GABRG3: variants seen among roughly 807,000 people sequenced by gnomAD.
GABRG3 encodes the protein gamma-aminobutyric acid type A receptor subunit gamma3.
GABRG3 carries 25 observed loss-of-function variants against 48.8 expected under a neutral mutation model. That is an observed-to-expected ratio of 0.51 (90% CI 0.37 to 0.72). The LOEUF (loss-of-function observed/expected upper bound fraction) is 0.72. Ranked by LOEUF, GABRG3 falls within the 30% of genes least tolerant of loss-of-function variation. GABRG3 has a pLI of 0.00. For synonymous variants in GABRG3, 227 were observed against 217.6 expected (o/e 1.04, Z -0.38); for missense variants, 394 against 577.9 (o/e 0.68, Z 3.26).
Position 27,304,999 on chromosome 15 carries a change from A to G in GABRG3, c.271-21810A>G, listed in dbSNP as rs1358215385. The stretch of plus-strand genomic sequence containing the variant: ...AAAAGTTAGAATTTTCGTAAAGCCT[A>G]ATTTATCTATTTCTTCCTTTGGTGG... On this transcript the variant is annotated intron_variant, in intron 3 of 9. Transcript: ENST00000615808. Among the ~76,000 whole-genome samples the G allele has an allele frequency of 3.3e-5, 5 of 151,876 alleles. No individual in the cohort carries two copies. In the Admixed American group the frequency reaches 3.3e-4, roughly 10 times the overall value.
chr15:27,320,458 C>A (rs918621584), intron 3 of GABRG3, among the ~76,000 whole-genome samples: 3 of 152,018 alleles, frequency 2.0e-5, no homozygotes. Context: ...TGTGTGGGAG[C>A]CCCAAACTTT....
chr15:27,335,280 A>G (rs74004986), intron 5 of GABRG3, among the ~76,000 whole-genome samples: 11,246 of 152,142 alleles, frequency 0.074, 865 homozygotes, highest in African/African-American at 0.2. Flanking sequence ...GGACCATATA[A>G]TAATTCTATA....
chr15:27,419,807 A>G (rs1888055866), intron 5 of GABRG3, among the ~76,000 whole-genome samples: 1 of 152,208 alleles, frequency 6.6e-6, no homozygotes, highest in Non-Finnish European at 1.5e-5. Flanking sequence ...AATTTTGATC[A>G]CTGATGTTTA....
At chr15:27,229,832 A>G (rs1394466243) in intron 3 of GABRG3, among the ~76,000 whole-genome samples, 1 of 152,068 alleles carries the variant, frequency 6.6e-6, no homozygotes, top group African/African-American at 2.4e-5. Flanking sequence ...GCCTTGTAGT[A>G]TAGTTTCCAG....
chr15:27,004,953 G>A (rs1895553982), intron 2 of GABRG3, among the ~76,000 whole-genome samples: 1 of 152,172 alleles, frequency 6.6e-6, no homozygotes, highest in East Asian at 1.9e-4. Context: ...ATGGTGCCCA[G>A]TGGCTCCATT....
intron 3 of GABRG3, among the ~76,000 whole-genome samples, chr15:27,295,603 A>C (rs2140489274): frequency 6.6e-6 from 1 of 152,320 alleles, no homozygotes; most frequent in East Asian, 1.9e-4. Flanking sequence ...TGCTATTTTA[A>C]GAGCATCTTC....
At position 27,164,334 on chromosome 15, in the gene GABRG3, C is replaced by T. The variant is rs145065269; in HGVS notation, c.270+137513C>T. Among the ~76,000 whole-genome samples the T allele has an allele frequency of 1.9e-3, 291 of 152,256 alleles. 3 individuals carry two copies. Among genetic ancestry groups the T allele is most frequent in the Middle Eastern group, 6.8e-3 (2 of 294 alleles). ...CCACCTAAGAATGAAAACATTCCCC[C>T]GCATACTCACAATACGGTAAATCAA... On this transcript the variant is annotated intron_variant, in intron 3 of 9. Coordinates refer to ENST00000615808, the MANE Select transcript of GABRG3 (RefSeq NM_033223.5).
chr15:27,261,731 A>G (rs1336859767), intron 3 of GABRG3, among the ~76,000 whole-genome samples: 1 of 151,942 alleles, frequency 6.6e-6, no homozygotes, highest in African/African-American at 2.4e-5. Context: ...GCGTATTTCC[A>G]TCTGTGGGAG....
intron 5 of GABRG3, among the ~76,000 whole-genome samples, chr15:27,355,890 T>C (rs535780282): frequency 2.0e-5 from 3 of 152,310 alleles, no homozygotes; most frequent in East Asian, 1.9e-4. Context: ...ATTCCACTTA[T>C]ATGAAATACC....
At chr15:27,320,824 A>G (rs1299172226) in intron 3 of GABRG3, among the ~76,000 whole-genome samples, 1 of 152,194 alleles carries the variant, frequency 6.6e-6, no homozygotes, top group Non-Finnish European at 1.5e-5. Context: ...TTAGAAACAA[A>G]TATTGATTTT....
intron 5 of GABRG3, among the ~76,000 whole-genome samples, chr15:27,468,358 G>A (rs1452000215): frequency 6.6e-6 from 1 of 152,114 alleles, no homozygotes; most frequent in Admixed American, 6.6e-5. Context: ...TCAGAACTGT[G>A]GTGCCACCCA....
chr15:27,226,559 G>A (rs559323932), intron 3 of GABRG3, among the ~76,000 whole-genome samples: 1 of 152,344 alleles, frequency 6.6e-6, no homozygotes, highest in Non-Finnish European at 1.5e-5. Flanking sequence ...CCCGGCCTGA[G>A]CCACCACTCA....
At chr15:27,481,230 T>C in intron 6 of GABRG3, 7 of 981,178 alleles carry the variant, frequency 7.1e-6, no homozygotes, top group Non-Finnish European at 8.5e-6. Flanking sequence ...TTGAGTTTCT[T>C]TTTCAATGAT....
chr15:27,307,006 G>GTTTATATATAAAAATA (rs1566769768), intron 3 of GABRG3, among the ~76,000 whole-genome samples: 1 of 78,594 alleles, frequency 1.3e-5, no homozygotes, highest in African/African-American at 6.1e-5. Context: ...ATATAAACAT[G>GTTTATATATAAAAATA]TATAAACATG....
intron 5 of GABRG3, among the ~76,000 whole-genome samples, chr15:27,378,873 A>C (rs987052274): frequency 6.6e-6 from 1 of 152,220 alleles, no homozygotes; most frequent in African/African-American, 2.4e-5. Flanking sequence ...TTATGGGATT[A>C]AAAGAAAGGG....
chr15:27,208,988 GC>G (rs1888975761), intron 3 of GABRG3, among the ~76,000 whole-genome samples: 1 of 152,210 alleles, frequency 6.6e-6, no homozygotes, highest in African/African-American at 2.4e-5. Flanking sequence ...AGTTCACAGA[GC>G]CATTGATTCC....
At chr15:27,360,466 G>A (rs1415289182) in intron 5 of GABRG3, among the ~76,000 whole-genome samples, 5 of 152,242 alleles carry the variant, frequency 3.3e-5, no homozygotes, top group African/African-American at 9.6e-5. Context: ...CTCTGAGTGT[G>A]TGCTTGCTTT....
chr15:27,512,407 G>A (rs1340867018), intron 6 of GABRG3, among the ~76,000 whole-genome samples: 1 of 152,126 alleles, frequency 6.6e-6, no homozygotes, highest in African/African-American at 2.4e-5. Flanking sequence ...CTAGGACAGA[G>A]TGAATGTTTG....
At position 26,976,598 on chromosome 15, in the gene GABRG3, G is replaced by A. The variant is rs1894950956; in HGVS notation, c.54-404G>A. Among the ~76,000 whole-genome samples the A allele has an allele frequency of 6.6e-6, 1 of 152,130 alleles. No homozygotes were observed. Among genetic ancestry groups the A allele is most frequent in the African/African-American group, 2.4e-5 (1 of 41,428 alleles). On this transcript the variant is annotated intron_variant, in intron 1 of 9. Coordinates refer to ENST00000615808, the MANE Select transcript of GABRG3 (RefSeq NM_033223.5). This position sits in a 1 kb window ranked among gnomAD's most constrained non-coding sequence, Gnocchi z 7.8. ...CGAAAATGAGGTCTTGGTGGTCAGG[G>A]TGGAAACACCACGATGCAGTCACCA...
Sources: allele counts gnomAD v4.1 joint callset (sites outside exome capture counted in the v4.1 genomes callset), GRCh38; gene constraint gnomAD v4.1.1; non-coding constraint Gnocchi (gnomAD v3.1); transcripts MANE v1.5; gene names NCBI Gene and HGNC (gene_info 2026-07-23, HGNC 2026-07-21).